The following CCDC146 variants were observed in gnomAD, a reference collection of about 807,000 sequenced individuals.
The protein encoded by CCDC146 is coiled-coil domain containing 146, also known as coiled-coil domain-containing protein 146.
In CCDC146, 92 loss-of-function variants were observed where a neutral mutation model predicts 119.3. The observed-to-expected ratio is 0.77, with a 90% CI of 0.65 to 0.92. The LOEUF is 0.92. Among genes scored for constraint, CCDC146 ranks in the 40% least tolerant of loss-of-function variants. CCDC146 has a pLI of 0.00. For synonymous variants in CCDC146, 372 were observed against 371.8 expected, an observed-to-expected ratio of 1.00 and a Z score of -0.01; for missense variants, 1,000 against 1,103.0, an observed-to-expected ratio of 0.91 and a Z score of 1.32.
chr7:77,216,191 T>A (rs1792299056), intron 2 of CCDC146, among the ~76,000 whole-genome samples: 1 of 152,140 alleles, frequency 6.6e-6, no homozygotes, highest in Non-Finnish European at 1.5e-5. Flanking sequence ...TTTTGTAATT[T>A]TGACCATTAT....
intron 1 of CCDC146, among the ~76,000 whole-genome samples, chr7:77,156,353 G>T (rs867897106): frequency 3.3e-4 from 50 of 151,952 alleles, no homozygotes; most frequent in African/African-American, 1.1e-3. Flanking sequence ...CATATTTACT[G>T]CAAGAGTTTT....
intron 17 of CCDC146, among the ~76,000 whole-genome samples, chr7:77,292,061 C>T (rs778843728): frequency 4.0e-5 from 6 of 150,896 alleles, no homozygotes; most frequent in Non-Finnish European, 5.9e-5. Context: ...TTTGGGAGGC[C>T]GAGGCAGGAA....
At chr7:77,146,262 G>T (rs1164477024) in intron 1 of CCDC146, among the ~76,000 whole-genome samples, 1 of 151,832 alleles carries the variant, frequency 6.6e-6, no homozygotes, top group Non-Finnish European at 1.5e-5. Flanking sequence ...TTTTCCAATT[G>T]CTTGGTAGAT....
chr7:77,213,517 G>A (rs554902270), intron 2 of CCDC146, among the ~76,000 whole-genome samples: 38 of 152,156 alleles, frequency 2.5e-4, no homozygotes, highest in Non-Finnish European at 4.4e-4. Context: ...ATATGTACAG[G>A]TTTGCTACAC....
At chr7:77,143,100 T>C (rs1790960677) in intron 1 of CCDC146, among the ~76,000 whole-genome samples, 1 of 151,798 alleles carries the variant, frequency 6.6e-6, no homozygotes, top group South Asian at 2.1e-4. Flanking sequence ...TTTTAATGAT[T>C]GCCATTCTAA....
intron 2 of CCDC146, among the ~76,000 whole-genome samples, chr7:77,223,876 C>T (rs568575022): frequency 5.3e-5 from 8 of 152,150 alleles, no homozygotes; most frequent in South Asian, 2.1e-4. Flanking sequence ...CAGTGTACAA[C>T]GTGTGAAATA....
chr7:77,129,959 T>C (rs2117390351), intron 1 of CCDC146, among the ~76,000 whole-genome samples: 1 of 152,212 alleles, frequency 6.6e-6, no homozygotes, highest in Non-Finnish European at 1.5e-5. Flanking sequence ...AGTGCTTGCA[T>C]TCAACTAACC....
chr7:77,277,807 A>C (rs1289835414), intron 11 of CCDC146, among the ~76,000 whole-genome samples: 1 of 150,358 alleles, frequency 6.7e-6, no homozygotes, highest in Non-Finnish European at 1.5e-5. Flanking sequence ...CTTTGCTCTC[A>C]GTCCTTGAGA....
intron 4 of CCDC146, among the ~76,000 whole-genome samples, chr7:77,253,950 G>A (rs931679380): frequency 1.2e-4 from 19 of 152,194 alleles, no homozygotes; most frequent in Non-Finnish European, 2.5e-4. Context: ...GTGGCAGGCT[G>A]TGAGACTAGA....
intron 13 of CCDC146, among the ~76,000 whole-genome samples, chr7:77,280,166 C>T (rs189210389): frequency 2.6e-5 from 4 of 152,006 alleles, no homozygotes; most frequent in African/African-American, 9.7e-5. Context: ...TGCAGTCTCT[C>T]GCTTTGATAA....
intron 1 of CCDC146, among the ~76,000 whole-genome samples, chr7:77,149,774 G>GA (rs201067495): frequency 3.9e-4 from 41 of 104,706 alleles, no homozygotes; most frequent in East Asian, 3.4e-3. Context: ...CAAAGAAAAA[G>GA]AAAAAAAAAA....
At chr7:77,259,582 A>G (rs1385226558) in intron 7 of CCDC146, among the ~76,000 whole-genome samples, 2 of 152,212 alleles carry the variant, frequency 1.3e-5, no homozygotes, top group Non-Finnish European at 2.9e-5. Flanking sequence ...AAAATTCTGG[A>G]AAAATAATAT....
chr7:77,178,022 A>C (rs948647669), intron 2 of CCDC146, among the ~76,000 whole-genome samples: 4 of 152,384 alleles, frequency 2.6e-5, no homozygotes, highest in South Asian at 2.1e-4. Context: ...AGATATCAAC[A>C]TACCTAAATC....
rs1584142147 is a variant in CCDC146, at chr7:77,279,216, A to G, written c.1694+115A>G. 8 of 946,634 alleles carry G rather than the reference A, an allele frequency of 8.5e-6. No individual in the cohort carries two copies. In the South Asian group the frequency reaches 1.3e-4, roughly 16 times the overall value. The allele number at this position is 946,634 out of a possible 1,614,324, so 58.6% of individuals were successfully genotyped here. A position where few individuals can be genotyped will look rare whatever the true frequency, so the allele number is the denominator to read the frequency against. On this transcript the variant is annotated intron_variant, in intron 13 of 18. Coordinates refer to ENST00000285871, the MANE Select transcript of CCDC146 (RefSeq NM_020879.3). ...GAGGCAGAGGCTGCAATGAGCCAAG[A>G]TGGTGCCACTGCCCTCCAGCCTGGG... is the stretch of plus-strand genomic sequence containing the variant.
At chr7:77,173,486 A>G (rs1791456163) in intron 2 of CCDC146, among the ~76,000 whole-genome samples, 1 of 151,814 alleles carries the variant, frequency 6.6e-6, no homozygotes, top group Non-Finnish European at 1.5e-5. Context: ...AAAATTAGCC[A>G]GGTGTGGTGG....
intron 2 of CCDC146, among the ~76,000 whole-genome samples, chr7:77,214,024 C>G (rs1022394887): frequency 6.6e-6 from 1 of 152,100 alleles, no homozygotes; most frequent in Admixed American, 6.5e-5. Context: ...ATTTTTAGTT[C>G]TTTGAAAAAT....
intron 2 of CCDC146, chr7:77,198,113 T>G: frequency 1.0e-6 from 1 of 984,828 alleles, no homozygotes; most frequent in Non-Finnish European, 1.2e-6. Flanking sequence ...GTATACCCAC[T>G]GATGTCACCT....
chr7:77,160,824 G>A (rs1791249497), intron 1 of CCDC146, among the ~76,000 whole-genome samples: 2 of 152,196 alleles, frequency 1.3e-5, no homozygotes, highest in South Asian at 2.1e-4. Flanking sequence ...CACAGCAAAA[G>A]AAACTACCAT....
At chr7:77,272,579 T>A (rs1793545767) in intron 9 of CCDC146, among the ~76,000 whole-genome samples, 2 of 152,198 alleles carry the variant, frequency 1.3e-5, no homozygotes, top group Admixed American at 6.5e-5. Context: ...CCACATCAGA[T>A]TGGAGTCATG....
Sources: allele counts gnomAD v4.1 joint callset (sites outside exome capture counted in the v4.1 genomes callset), GRCh38; gene constraint gnomAD v4.1.1; transcripts MANE v1.5; gene names NCBI Gene and HGNC (gene_info 2026-07-23, HGNC 2026-07-21).